The following BMPR2 variants were observed in gnomAD, a reference collection of about 807,000 sequenced individuals.
The protein encoded by BMPR2 is bone morphogenetic protein receptor type-2.
Under a neutral mutation model 100.8 loss-of-function variants are expected in BMPR2, and 29 were observed. The ratio of observed to expected loss-of-function variants is 0.29; its 90% CI spans 0.21 to 0.39. BMPR2 has a LOEUF of 0.39. BMPR2 is among the 10% of genes least tolerant of loss of function. The probability of loss-of-function intolerance (pLI) is 1.00; values close to 1 mark genes in which losing one functional copy is unlikely to be tolerated. For synonymous variants in BMPR2, 382 were observed against 442.3 expected, an observed-to-expected ratio of 0.86 and a Z score of 1.71; for missense variants, 1,011 against 1,274.5, an observed-to-expected ratio of 0.79 and a Z score of 3.15.
At chr2:202,551,020 G>A (rs56184473) in intron 10 of BMPR2, among the ~76,000 whole-genome samples, 4,798 of 134,724 alleles carry the variant, frequency 0.036, 280 homozygotes, top group African/African-American at 0.13. Context: ...GCAATGGCGC[G>A]ATCTCGGCTC....
chr2:202,388,814 G>A (rs1476476414), intron 1 of BMPR2, among the ~76,000 whole-genome samples: 1 of 150,780 alleles, frequency 6.6e-6, no homozygotes, highest in Non-Finnish European at 1.5e-5. Context: ...CAAGATTTTA[G>A]TCTTAGGTTT....
intron 1 of BMPR2, among the ~76,000 whole-genome samples, chr2:202,463,977 T>C (rs573804427): frequency 2.6e-5 from 4 of 151,988 alleles, no homozygotes; most frequent in Non-Finnish European, 5.9e-5. Context: ...CTGACCAACA[T>C]GGAGAAACCC....
chr2:202,516,819 C>G (rs1407816115), intron 5 of BMPR2, among the ~76,000 whole-genome samples: 1 of 152,128 alleles, frequency 6.6e-6, no homozygotes, highest in Admixed American at 6.6e-5. Flanking sequence ...GCTGAATTAA[C>G]TATATATTGA....
chr2:202,464,994 C>T lies in BMPR2; in HGVS notation c.247+15C>T, dbSNP rs769905466. 3 of 1,613,514 alleles carry T rather than the reference C, an allele frequency of 1.9e-6. No homozygotes were observed. Among genetic ancestry groups the T allele is most frequent in the Non-Finnish European group, 1.7e-6 (2 of 1,179,538 alleles). ...TGTAAAACAAGGCAAGTGATACTTTCCTTACCTGAAATGACTGTGTTTTAT... is the reference window on the plus strand; with the variant it reads ...TGTAAAACAAGGCAAGTGATACTTTTCTTACCTGAAATGACTGTGTTTTAT... On this transcript the variant is annotated intron_variant, in intron 2 of 12. Coordinates refer to ENST00000374580, the MANE Select transcript of BMPR2 (RefSeq NM_001204.7).
At chr2:202,530,479 A>C (rs963996626) in intron 7 of BMPR2, among the ~76,000 whole-genome samples, 8 of 152,142 alleles carry the variant, frequency 5.3e-5, no homozygotes, top group African/African-American at 1.7e-4. Flanking sequence ...TTTATACCAA[A>C]TATTCCTTTC....
chr2:202,500,715 T>A (rs188373975), intron 3 of BMPR2, among the ~76,000 whole-genome samples: 1 of 152,324 alleles, frequency 6.6e-6, no homozygotes, highest in Admixed American at 6.5e-5. Flanking sequence ...TGGAGTCTAG[T>A]GCAAGATCTT....
intron 1 of BMPR2, among the ~76,000 whole-genome samples, chr2:202,397,195 TATC>T (rs1213301493): frequency 3.9e-5 from 6 of 152,164 alleles, no homozygotes; most frequent in African/African-American, 1.4e-4. Flanking sequence ...TCCTCAAAAA[TATC>T]ATATTTTTTT....
chr2:202,532,135 G>A lies in BMPR2; in HGVS notation c.1129-450G>A, dbSNP rs972540657. On this transcript the variant is annotated intron_variant, in intron 8 of 12. Coordinates refer to ENST00000374580, the MANE Select transcript of BMPR2 (RefSeq NM_001204.7). The surrounding 1 kb of genome is among the most constrained non-coding windows in gnomAD (Gnocchi z 4.1). ...TTTATTTTTTTTTAGTAGAGACGGGGTTTCACTGTGTTAGCCAGGATGGTC... is the reference window on the plus strand; with the variant it reads ...TTTATTTTTTTTTAGTAGAGACGGGATTTCACTGTGTTAGCCAGGATGGTC... Among the ~76,000 whole-genome samples the A allele has an allele frequency of 6.7e-6, 1 of 148,976 alleles. No individual in the cohort carries two copies. Among genetic ancestry groups the A allele is most frequent in the Non-Finnish European group, 1.5e-5 (1 of 67,370 alleles).
intron 3 of BMPR2, among the ~76,000 whole-genome samples, chr2:202,474,002 G>T (rs1322542709): frequency 6.6e-6 from 1 of 150,748 alleles, no homozygotes; most frequent in African/African-American, 2.4e-5. Context: ...CTGTTCGGGA[G>T]GCTGAGGCAG....
intron 1 of BMPR2, among the ~76,000 whole-genome samples, chr2:202,397,247 G>A (rs1465042392): frequency 6.6e-6 from 1 of 151,880 alleles, no homozygotes; most frequent in Non-Finnish European, 1.5e-5. Context: ...ACACCACTAG[G>A]AAAAAAACAC....
At chr2:202,491,031 A>G (rs574342835) in intron 3 of BMPR2, among the ~76,000 whole-genome samples, 3 of 151,938 alleles carry the variant, frequency 2.0e-5, no homozygotes, top group Non-Finnish European at 2.9e-5. Flanking sequence ...CCCAGGTTCA[A>G]TTGATTCTCC....
At chr2:202,377,650 T>TC in intron 1 of BMPR2, 100 bp downstream of exon 1, 4 of 1,380,124 alleles carry the variant, frequency 2.9e-6, no homozygotes, top group Middle Eastern at 2.3e-4. Context: ...TCGCCATGCG[T>TC]CCCCCCGATC....
intron 1 of BMPR2, among the ~76,000 whole-genome samples, chr2:202,386,790 C>T (rs758292591): frequency 2.0e-4 from 30 of 152,150 alleles, no homozygotes; most frequent in Middle Eastern, 3.4e-3. Context: ...AAGTGATTCT[C>T]CTGCCTCAGC....
intron 9 of BMPR2, among the ~76,000 whole-genome samples, chr2:202,538,568 G>C (rs576300751): frequency 1.3e-5 from 2 of 152,108 alleles, no homozygotes; most frequent in Admixed American, 1.3e-4. Flanking sequence ...AAGGCTAGTG[G>C]ATCACCTGAG....
At chr2:202,394,870 A>G (rs534315725) in intron 1 of BMPR2, among the ~76,000 whole-genome samples, 9 of 136,976 alleles carry the variant, frequency 6.6e-5, no homozygotes, top group Admixed American at 2.5e-4. Context: ...CTTGATTTCT[A>G]AAAGTCTTTA....
At chr2:202,538,748 C>T (rs1055155997) in intron 9 of BMPR2, among the ~76,000 whole-genome samples, 3 of 147,472 alleles carry the variant, frequency 2.0e-5, no homozygotes, top group Non-Finnish European at 4.4e-5. Flanking sequence ...GAGCAGAGAT[C>T]GCGCCACCGC....
At chr2:202,528,102 G>A (rs1023035503) in intron 7 of BMPR2, among the ~76,000 whole-genome samples, 18 of 152,146 alleles carry the variant, frequency 1.2e-4, no homozygotes, top group Non-Finnish European at 2.1e-4. Context: ...TGGGAGGATT[G>A]CCTGAGCCCA....
At chr2:202,502,685 C>T (rs189480352) in intron 3 of BMPR2, among the ~76,000 whole-genome samples, 21 of 152,256 alleles carry the variant, frequency 1.4e-4, no homozygotes, top group Non-Finnish European at 2.2e-4. Context: ...CCAAAACCGC[C>T]GAGGCCTAGA....
intron 1 of BMPR2, among the ~76,000 whole-genome samples, chr2:202,406,933 ACTTTTT>A (rs1431421245): frequency 3.3e-5 from 5 of 150,758 alleles, no homozygotes; most frequent in Non-Finnish European, 7.4e-5. Context: ...TTTCTTTTTT[ACTTTTT>A]CTTTTTCTTT....
Sources: gnomAD v4.1 joint callset for allele counts (sites outside exome capture counted in the v4.1 genomes callset) on GRCh38, gnomAD v4.1.1 for gene constraint, Gnocchi (gnomAD v3.1) non-coding constraint, MANE v1.5 for transcripts, NCBI Gene and HGNC (gene_info 2026-07-23, HGNC 2026-07-21) for gene names.